Variants in CDYL2 observed in about 807,000 individuals in gnomAD.
CDYL2 encodes the protein chromodomain Y-like protein 2.
CDYL2 carries 23 observed loss-of-function variants against 49.4 expected under a neutral mutation model. The ratio of observed to expected loss-of-function variants is 0.47; its 90% CI spans 0.34 to 0.66. The LOEUF is 0.66. Ranked by LOEUF, CDYL2 falls within the 30% of genes least tolerant of loss-of-function variation. The probability of loss-of-function intolerance (pLI) is 0.01; values close to 1 mark genes in which losing one functional copy is unlikely to be tolerated. For synonymous variants in CDYL2, 360 were observed against 268.8 expected, an observed-to-expected ratio of 1.34 and a Z score of -3.32; for missense variants, 678 against 656.4, an observed-to-expected ratio of 1.03 and a Z score of -0.36.
At chr16:80,778,584 T>G (rs1907166106) in intron 1 of CDYL2, among the ~76,000 whole-genome samples, 1 of 151,998 alleles carries the variant, frequency 6.6e-6, no homozygotes, top group Admixed American at 6.5e-5. Flanking sequence ...AAAGAAAGTC[T>G]TTTGGGGAGA....
rs1906220476 is a variant in CDYL2 at position 80,604,094 on chromosome 16, T to A, written c.*294A>T. On this transcript the variant is annotated 3_prime_UTR_variant, in exon 7 of 7. Transcript: ENST00000570137. ...CCCCTTCCTGGACCGTCATGGTGCA[T>A]TTCAGCAAGTGGGGAAAGGACAGCG... The A allele has an allele frequency of 2.4e-6, 1 of 412,330 alleles. No individual in the cohort carries two copies. The highest frequency in any genetic ancestry group is 4.4e-6 in the Non-Finnish European group (1 of 224,734). 25.5% of individuals were successfully genotyped at this position (412,330 alleles called of 1,614,324 possible).
chr16:80,608,444 T>TC (rs1008210394), intron 5 of CDYL2, among the ~76,000 whole-genome samples: 1 of 152,144 alleles, frequency 6.6e-6, no homozygotes, highest in Non-Finnish European at 1.5e-5. Flanking sequence ...TTCATTAAAT[T>TC]CCCCAAAGGA....
At chr16:80,616,153 G>C (rs1217284741) in intron 4 of CDYL2, among the ~76,000 whole-genome samples, 1 of 152,202 alleles carries the variant, frequency 6.6e-6, no homozygotes, top group African/African-American at 2.4e-5. Flanking sequence ...GACTCAGAGT[G>C]AAGTCTCAGT....
chr16:80,804,061 C>G (rs989137318), intron 1 of CDYL2, 89 bp downstream of exon 1: 1 of 907,220 alleles, frequency 1.1e-6, no homozygotes, highest in African/African-American at 1.8e-5. Flanking sequence ...TGCGCCCGGC[C>G]CCGGCCCCGG....
chr16:80,712,118 T>C (rs1904627117), intron 1 of CDYL2, among the ~76,000 whole-genome samples: 2 of 145,892 alleles, frequency 1.4e-5, no homozygotes, highest in Non-Finnish European at 3.0e-5. Context: ...TGTGTATATA[T>C]GTGTATATAT....
At chr16:80,717,428 A>T (rs1466277782) in intron 1 of CDYL2, among the ~76,000 whole-genome samples, 1 of 152,244 alleles carries the variant, frequency 6.6e-6, no homozygotes, top group East Asian at 1.9e-4. Context: ...AACTTCAAAG[A>T]CAACATACTG....
chr16:80,632,438 G>A (rs1907606228), intron 3 of CDYL2, among the ~76,000 whole-genome samples: 1 of 152,202 alleles, frequency 6.6e-6, no homozygotes, highest in Non-Finnish European at 1.5e-5. Flanking sequence ...ACTATTTCAT[G>A]TGGGTGAGGT....
chr16:80,696,446 T>C (rs1910616833), intron 1 of CDYL2, among the ~76,000 whole-genome samples: 1 of 151,612 alleles, frequency 6.6e-6, no homozygotes, highest in Non-Finnish European at 1.5e-5. Context: ...TTTTTAAATA[T>C]AAAATCAACA....
intron 1 of CDYL2, among the ~76,000 whole-genome samples, chr16:80,693,466 CA>C (rs954075628): frequency 6.7e-4 from 101 of 151,730 alleles, no homozygotes; most frequent in African/African-American, 2.2e-3. Context: ...GTATTATTTA[CA>C]AAAAAAAGTT....
chr16:80,730,567 A>G (rs565871278), intron 1 of CDYL2, among the ~76,000 whole-genome samples: 110 of 152,182 alleles, frequency 7.2e-4, no homozygotes, highest in African/African-American at 2.6e-3. Context: ...ATTCCAATCA[A>G]TAGAAAAAGA....
intron 1 of CDYL2, among the ~76,000 whole-genome samples, chr16:80,754,794 TG>T (rs1231033716): frequency 6.6e-6 from 1 of 152,208 alleles, no homozygotes; most frequent in Non-Finnish European, 1.5e-5. Context: ...TGATGGGGTT[TG>T]GCTCTCTTTC....
At chr16:80,693,679 G>A (rs1910505093) in intron 1 of CDYL2, among the ~76,000 whole-genome samples, 1 of 152,170 alleles carries the variant, frequency 6.6e-6, no homozygotes, top group African/African-American at 2.4e-5. Flanking sequence ...CAGAAGAAGA[G>A]GGGATGATTA....
intron 2 of CDYL2, 101 bp downstream of exon 2, chr16:80,684,437 G>T: frequency 2.8e-6 from 3 of 1,079,770 alleles, no homozygotes; most frequent in African/African-American, 1.6e-5. Flanking sequence ...GCTAAGAGAC[G>T]GGGATGGAGG....
chr16:80,682,385 T>A (rs979142499), intron 2 of CDYL2, among the ~76,000 whole-genome samples: 1 of 152,188 alleles, frequency 6.6e-6, no homozygotes, highest in African/African-American at 2.4e-5. Flanking sequence ...GGCCCTCACC[T>A]GTTTTCCCTG....
chr16:80,716,962 A>G (rs1179149690), intron 1 of CDYL2, among the ~76,000 whole-genome samples: 3 of 150,886 alleles, frequency 2.0e-5, no homozygotes, highest in Non-Finnish European at 4.4e-5. Flanking sequence ...GGATGGGCAG[A>G]TGGATGAGTG....
chr16:80,670,349 A>G (rs928528812), intron 2 of CDYL2, among the ~76,000 whole-genome samples: 1 of 152,028 alleles, frequency 6.6e-6, no homozygotes, highest in Non-Finnish European at 1.5e-5. Flanking sequence ...ATGAGATCTG[A>G]TGGTTTTATA....
chr16:80,679,977 C>A (rs533892178), intron 2 of CDYL2, among the ~76,000 whole-genome samples: 2 of 152,174 alleles, frequency 1.3e-5, no homozygotes, highest in African/African-American at 4.8e-5. Flanking sequence ...TGTTTGGGAG[C>A]CCCTAGATTC....
rs60399715 is a variant in CDYL2, at chr16:80,712,191, GTATA to G, written c.25-27066_25-27063del. On this transcript the variant is annotated intron_variant, in intron 1 of 6. Transcript: ENST00000570137. Reference sequence around the variant, plus strand: ...TATATGTGTCTTTGTGTCTGTGTGTGTATATATATATATATATATATATATCTCC... The same window carrying G: ...TATATGTGTCTTTGTGTCTGTGTGTGTATATATATATATATATATATCTCC... Among the ~76,000 whole-genome samples the G allele has an allele frequency of 2.0e-4, 22 of 107,932 alleles. 1 individual carries two copies. Among genetic ancestry groups the G allele is most frequent in the Non-Finnish European group, 3.4e-4 (16 of 47,010 alleles). The allele number at this position is 107,932 out of a possible 152,430, so 70.8% of individuals were successfully genotyped here.
intron 1 of CDYL2, among the ~76,000 whole-genome samples, chr16:80,691,942 T>G (rs6564784): frequency 0.54 from 81,567 of 151,842 alleles, 23,203 homozygotes; most frequent in Middle Eastern, 0.71. Context: ...AGAACCAACA[T>G]GCGGGAAATC....
Sources: gnomAD v4.1 joint callset for allele counts (sites outside exome capture counted in the v4.1 genomes callset) on GRCh38, gnomAD v4.1.1 for gene constraint, MANE v1.5 for transcripts, NCBI Gene and HGNC (gene_info 2026-07-23, HGNC 2026-07-21) for gene names.